The following SLCO1B3 variants were observed in gnomAD, a reference collection of about 807,000 sequenced individuals.
The protein encoded by SLCO1B3 is solute carrier organic anion transporter family member 1B3, also known as liver-specific organic anion transporter 2.
A neutral mutation model predicts 71.8 loss-of-function variants in SLCO1B3; 72 were observed. The ratio of observed to expected loss-of-function variants is 1.00; its 90% CI spans 0.83 to 1.22. The LOEUF is 1.22. SLCO1B3 is among the 50% of genes most tolerant of loss of function. The pLI is 0.00. For synonymous variants in SLCO1B3, 298 were observed against 278.4 expected (o/e 1.07, Z -0.70); for missense variants, 911 against 819.7 (o/e 1.11, Z -1.36).
Position 20,862,749 on chromosome 12 carries a change from C to A in SLCO1B3, c.629-7C>A. The A allele has an allele frequency of 6.3e-7, 1 of 1,596,828 alleles. No individual in the cohort carries two copies. Among genetic ancestry groups the A allele is most frequent in the Non-Finnish European group, 8.6e-7 (1 of 1,168,282 alleles). On this transcript the variant is annotated splice_region_variant and splice_polypyrimidine_tract_variant and intron_variant, in intron 7 of 15. Transcript: ENST00000381545. ...CATCTGATTAAATTGTTTTGTAATA[C>A]TTACAGGTAGTTTGAATGCAATAGG...
At chr12:20,836,319 C>A (rs893556301) in intron 3 of SLCO1B3, among the ~76,000 whole-genome samples, 1 of 152,140 alleles carries the variant, frequency 6.6e-6, no homozygotes, top group African/African-American at 2.4e-5. Flanking sequence ...TACATTGAAC[C>A]AGCCATGCAT....
At chr12:20,885,132 G>A in intron 13 of SLCO1B3, among the ~76,000 whole-genome samples, 1 of 152,136 alleles carries the variant, frequency 6.6e-6, no homozygotes, top group East Asian at 1.9e-4. Flanking sequence ...TGAATAAAAA[G>A]TGATTAAATC....
intron 13 of SLCO1B3, among the ~76,000 whole-genome samples, chr12:20,888,711 A>G (rs1270568224): frequency 6.6e-6 from 1 of 151,954 alleles, no homozygotes; most frequent in African/African-American, 2.4e-5. Context: ...TCCTGATAGG[A>G]CTTCCAATAC....
intron 4 of SLCO1B3, among the ~76,000 whole-genome samples, 197 bp from the exon 5 acceptor site, chr12:20,858,242 C>A (rs982389197): frequency 6.6e-6 from 1 of 151,972 alleles, no homozygotes; most frequent in Non-Finnish European, 1.5e-5. Context: ...GCATATAAAA[C>A]CTATTCTACT....
At chr12:20,826,736 A>G (rs1864431772) in intron 3 of SLCO1B3, among the ~76,000 whole-genome samples, 1 of 151,782 alleles carries the variant, frequency 6.6e-6, no homozygotes, top group Non-Finnish European at 1.5e-5. Flanking sequence ...TTTTCCCTTC[A>G]GCTTTTCTTA....
At chr12:20,870,345 C>T (rs1010359851) in intron 8 of SLCO1B3, among the ~76,000 whole-genome samples, 5 of 152,036 alleles carry the variant, frequency 3.3e-5, no homozygotes, top group Non-Finnish European at 5.9e-5. Flanking sequence ...TGACCAGTTC[C>T]ATTTGTCTAA....
At position 20,844,306 on chromosome 12, in the gene SLCO1B3, C is replaced by T. The variant is rs973536559; in HGVS notation, c.85-10722C>T. On this transcript the variant is annotated intron_variant, in intron 3 of 15. Coordinates refer to ENST00000381545, the MANE Select transcript of SLCO1B3 (RefSeq NM_019844.4). ...TTCTGGCCAGGCGCAGTGGCTCCTC[C>T]GTGTAATCCCAGCACTTTGGAAGGC... Among the ~76,000 whole-genome samples the T allele has an allele frequency of 4.6e-5, 7 of 152,150 alleles. No individual in the cohort carries two copies. In the East Asian group the frequency reaches 5.8e-4, roughly 13 times the overall value.
Position 20,916,392 on chromosome 12 carries a change from G to T in SLCO1B3, c.*145G>T, listed in dbSNP as rs112931172. ...AAAAAATGGGAGTACCCATGGTTAG[G>T]ATATAGCTATGCCTTTATGGTTAAG... On this transcript the variant is annotated 3_prime_UTR_variant, in exon 16 of 16. Transcript: ENST00000381545. 7.1e-6 allele frequency: 5 copies of T among 700,836 alleles called. No individual in the cohort carries two copies. The African/African-American group carries it at 7.2e-5, about 10-fold the overall frequency. 43.4% of individuals were successfully genotyped at this position (700,836 alleles called of 1,614,324 possible). A position where few individuals can be genotyped will look rare whatever the true frequency, so the allele number is the denominator to read the frequency against.
intron 14 of SLCO1B3, among the ~76,000 whole-genome samples, chr12:20,900,464 ATTC>A (rs1461918716): frequency 6.6e-6 from 1 of 152,176 alleles, no homozygotes; most frequent in Non-Finnish European, 1.5e-5. Flanking sequence ...CAAATTACCT[ATTC>A]TTAAAACTAG....
intron 3 of SLCO1B3, among the ~76,000 whole-genome samples, chr12:20,831,281 T>G (rs2196024): frequency 6.7e-6 from 1 of 150,026 alleles, no homozygotes. Flanking sequence ...CACTTGTGCC[T>G]GGGAGGCAGA....
chr12:20,878,305 C>G (rs1467341691), intron 10 of SLCO1B3, among the ~76,000 whole-genome samples: 1 of 152,004 alleles, frequency 6.6e-6, no homozygotes, highest in African/African-American at 2.4e-5. Context: ...TTCTATAATT[C>G]ATGGACTGAA....
intron 8 of SLCO1B3, among the ~76,000 whole-genome samples, chr12:20,869,020 A>T (rs1335440304): frequency 6.6e-6 from 1 of 152,060 alleles, no homozygotes; most frequent in South Asian, 2.1e-4. Context: ...GCGGACTAGG[A>T]ACGTGACCAC....
chr12:20,811,170 G>A (rs1775570200), intron 1 of SLCO1B3, among the ~76,000 whole-genome samples: 1 of 152,096 alleles, frequency 6.6e-6, no homozygotes, highest in South Asian at 2.1e-4. Context: ...ACTTTAACTG[G>A]ATAAGTAGGA....
intron 13 of SLCO1B3, among the ~76,000 whole-genome samples, chr12:20,895,500 C>T (rs1330606993): frequency 2.0e-5 from 3 of 152,170 alleles, no homozygotes; most frequent in Admixed American, 6.5e-5. Flanking sequence ...CTTGAAGCTC[C>T]AAAATGATCT....
intron 8 of SLCO1B3, among the ~76,000 whole-genome samples, chr12:20,866,992 T>C (rs1865386177): frequency 6.6e-6 from 1 of 152,174 alleles, no homozygotes; most frequent in Admixed American, 6.5e-5. Context: ...TTTCCTTCCA[T>C]GCTTTGTTCC....
chr12:20,825,204 T>A (rs1581193), intron 3 of SLCO1B3, among the ~76,000 whole-genome samples: 1 of 151,956 alleles, frequency 6.6e-6, no homozygotes, highest in African/African-American at 2.4e-5. Context: ...AACGCAGGGG[T>A]CCTGATGCTG....
chr12:20,840,997 G>A (rs2121170933), intron 3 of SLCO1B3, among the ~76,000 whole-genome samples: 1 of 152,222 alleles, frequency 6.6e-6, no homozygotes, highest in East Asian at 1.9e-4. Flanking sequence ...CATCAAAAAA[G>A]GGGGTCCTTG....
chr12:20,883,768 T>C (rs78142259), intron 13 of SLCO1B3, among the ~76,000 whole-genome samples, 166 bp downstream of exon 13: 156 of 152,320 alleles, frequency 1.0e-3, no homozygotes, highest in Non-Finnish European at 1.1e-3. Flanking sequence ...ACATCATTAA[T>C]AATTTTTGTC....
intron 8 of SLCO1B3, among the ~76,000 whole-genome samples, chr12:20,867,943 C>G (rs1005443579): frequency 6.6e-6 from 1 of 152,148 alleles, no homozygotes; most frequent in Non-Finnish European, 1.5e-5. Context: ...AAAGCAAGAA[C>G]AGTGCCTCCC....
Sources: allele counts gnomAD v4.1 joint callset (sites outside exome capture counted in the v4.1 genomes callset), GRCh38; gene constraint gnomAD v4.1.1; transcripts MANE v1.5; gene names NCBI Gene and HGNC (gene_info 2026-07-23, HGNC 2026-07-21).